The following CHST1 variants were observed in gnomAD, a reference collection of about 807,000 sequenced individuals.
CHST1 encodes the protein Keratan sulfotransferase.
A neutral mutation model predicts 22.5 loss-of-function variants in CHST1; 10 were observed. The ratio of observed to expected loss-of-function variants is 0.44; its 90% CI spans 0.27 to 0.75. The LOEUF (loss-of-function observed/expected upper bound fraction) is 0.75, where lower values mean the gene tolerates loss of function less well. CHST1 is among the 30% of genes least tolerant of loss of function. The pLI is 0.15. For synonymous variants in CHST1, 267 were observed against 264.5 expected (o/e 1.01, Z -0.09); for missense variants, 439 against 576.1 (o/e 0.76, Z 2.44).
At chr11:45,657,674 AG>A (rs1398522530) in intron 1 of CHST1, among the ~76,000 whole-genome samples, 6 of 152,316 alleles carry the variant, frequency 3.9e-5, no homozygotes, top group Non-Finnish European at 7.4e-5. Flanking sequence ...CAATCCAACC[AG>A]TGCAACCTTC....
chr11:45,653,489 G>T (rs1852024832), intron 1 of CHST1, among the ~76,000 whole-genome samples: 1 of 151,808 alleles, frequency 6.6e-6, no homozygotes, highest in African/African-American at 2.4e-5. Context: ...CATGGGGCTG[G>T]GCCAGGTATC....
intron 1 of CHST1, among the ~76,000 whole-genome samples, chr11:45,658,819 C>T (rs1030808246): frequency 1.3e-5 from 2 of 152,286 alleles, no homozygotes; most frequent in Non-Finnish European, 2.9e-5. Context: ...GAAGCCACAG[C>T]CAGAGTTGGA....
Position 45,649,680 on chromosome 11 carries a change from C to A in CHST1, c.*8G>T, listed in dbSNP as rs1191743023. The A allele has an allele frequency of 6.5e-7, 1 of 1,544,786 alleles. No individual in the cohort carries two copies. Among genetic ancestry groups the A allele is most frequent in the South Asian group, 1.2e-5 (1 of 81,768 alleles). On this transcript the variant is annotated 3_prime_UTR_variant, in exon 4 of 4. Transcript: ENST00000308064. ...TTGCGCCTCCCGCCCCCACCCGCAC[C>A]GCCCGGGTCACGAGAAGGGGCGGAA... is the stretch of plus-strand genomic sequence containing the variant.
chr11:45,660,783 C>G (rs1054485796), intron 1 of CHST1, among the ~76,000 whole-genome samples: 1 of 152,190 alleles, frequency 6.6e-6, no homozygotes, highest in African/African-American at 2.4e-5. Flanking sequence ...CAGCTTGGGG[C>G]CCCCCACACA....
At position 45,650,765 on chromosome 11, in the gene CHST1, G is replaced by A. The variant is rs751285636; in HGVS notation, c.159C>T (p.Phe53=). Residue 53 remains phenylalanine, a synonymous_variant, in exon 4 of 4, where the codon TTC becomes TTT. Coordinates refer to ENST00000308064, the MANE Select transcript of CHST1 (RefSeq NM_003654.6). ...GGGTCTTGCGGGAGAGGTTGTAGGC[G>A]AAGGTGGGGCTCTCCTCGCACAGTC... ...AERLCEESPT[F]AYNLSRKTHI... is the part of the protein sequence containing the mutation. 18 of 1,614,116 alleles carry A rather than the reference G, an allele frequency of 1.1e-5. No individual in the cohort carries two copies. The highest frequency in any genetic ancestry group is 1.5e-5 in the Non-Finnish European group (18 of 1,180,004).
intron 1 of CHST1, among the ~76,000 whole-genome samples, chr11:45,656,294 A>T (rs986017739): frequency 6.6e-6 from 1 of 152,194 alleles, no homozygotes; most frequent in Non-Finnish European, 1.5e-5. Flanking sequence ...CTTCATTATT[A>T]ACATGTCCAG....
At chr11:45,655,289 T>C (rs1443392805) in intron 1 of CHST1, among the ~76,000 whole-genome samples, 1 of 152,254 alleles carries the variant, frequency 6.6e-6, no homozygotes, top group African/African-American at 2.4e-5. Flanking sequence ...TCTGGTTTGC[T>C]TTTTGTCTCA....
rs138492117 is a variant in CHST1, at chr11:45,659,779, T to C, written c.-227+5399A>G. 2.8e-4 allele frequency among the ~76,000 whole-genome samples: 42 copies of C among 152,258 alleles called. No individual in the cohort carries two copies. The East Asian group carries it at 5.6e-3, about 20-fold the overall frequency. ...ACCAGGGAGCCCAGGAATGCCCAAA[T>C]CCTATGCCACCAAAAAGACACCAAC... On this transcript the variant is annotated intron_variant, in intron 1 of 3. Coordinates refer to ENST00000308064, the MANE Select transcript of CHST1 (RefSeq NM_003654.6).
Position 45,649,710 on chromosome 11 carries a change from C to G in CHST1, c.1214G>C (p.Arg405Pro). Residue 405 changes from arginine to proline, a missense_variant, in exon 4 of 4, where the codon CGG (arginine) becomes CCG (proline). Physicochemically the swap from Arg to Pro is moderately radical, Grantham distance 103. Coordinates refer to ENST00000308064, the MANE Select transcript of CHST1 (RefSeq NM_003654.6). ...GGGTCACGAGAAGGGGCGGAAGTCC[C>G]GCTCCTCCACCAGGCTGACCGAGGG... Reference protein sequence around the residue: ...KNPSVSLVEERDFRPFS With the variant: ...KNPSVSLVEEPDFRPFS 1 of 1,585,604 alleles carries G rather than the reference C, an allele frequency of 6.3e-7. No individual in the cohort carries two copies. Among genetic ancestry groups the G allele is most frequent in the South Asian group, 1.1e-5 (1 of 88,526 alleles).
intron 1 of CHST1, among the ~76,000 whole-genome samples, chr11:45,661,234 C>CG (rs1436928953): frequency 6.6e-6 from 1 of 152,170 alleles, no homozygotes; most frequent in Non-Finnish European, 1.5e-5. Flanking sequence ...CCAAGGGCCC[C>CG]GGGTGGAGAA....
In CHST1 at chr11:45,648,705, C is replaced by T. The variant is rs1818948706; in HGVS notation, c.*983G>A. Among the ~76,000 whole-genome samples, 1 of 151,932 alleles carries T rather than the reference C, an allele frequency of 6.6e-6. No homozygotes were observed. Among genetic ancestry groups the T allele is most frequent in the East Asian group, 1.9e-4 (1 of 5,176 alleles). On this transcript the variant is annotated 3_prime_UTR_variant, in exon 4 of 4. Coordinates refer to ENST00000308064, the MANE Select transcript of CHST1 (RefSeq NM_003654.6). The stretch of plus-strand genomic sequence containing the variant: ...GACTCTGTCTCAAAACAAAACAAAA[C>T]AAAAACCTAAACTAAACTCAGTGTT...
At chr11:45,662,197 C>G (rs1306515889) in intron 1 of CHST1, among the ~76,000 whole-genome samples, 1 of 152,204 alleles carries the variant, frequency 6.6e-6, no homozygotes, top group African/African-American at 2.4e-5. Flanking sequence ...CCACCCCAAC[C>G]CCTTTACTCT....
intron 1 of CHST1, among the ~76,000 whole-genome samples, chr11:45,658,698 C>T (rs967817758): frequency 7.9e-5 from 12 of 152,110 alleles, no homozygotes; most frequent in Admixed American, 3.9e-4. Flanking sequence ...CAGAAGGTCC[C>T]GGTTCCCTGT....
intron 1 of CHST1, among the ~76,000 whole-genome samples, chr11:45,664,770 T>G (rs939346815): frequency 6.6e-6 from 1 of 151,938 alleles, no homozygotes; most frequent in African/African-American, 2.4e-5. Context: ...TGCAGCTGGG[T>G]TTGGAAAGTT....
intron 1 of CHST1, among the ~76,000 whole-genome samples, chr11:45,660,522 T>C (rs1228182760): frequency 6.6e-6 from 1 of 152,166 alleles, no homozygotes; most frequent in African/African-American, 2.4e-5. Context: ...ACTTTCTGAT[T>C]CTCAGGTACT....
chr11:45,665,264 G>C lies in CHST1; in HGVS notation c.-313C>G, dbSNP rs1852185102. On this transcript the variant is annotated 5_prime_UTR_variant, in exon 1 of 4. Transcript: ENST00000308064. The surrounding 1 kb of genome is among the most constrained non-coding windows in gnomAD (Gnocchi z 4.0). Reference sequence around the variant, plus strand: ...GAGTCAGGGTCGCCGGGGACCCGCGGGTGGCGGCGGCGGCAGCAGCCGCGG... The same window carrying C: ...GAGTCAGGGTCGCCGGGGACCCGCGCGTGGCGGCGGCGGCAGCAGCCGCGG... 6.6e-6 allele frequency: 1 copy of C among 151,994 alleles called. No individual in the cohort carries two copies. Among genetic ancestry groups the C allele is most frequent in the Non-Finnish European group, 1.5e-5 (1 of 68,050 alleles). The allele number at this position is 151,994 out of a possible 1,614,324, so 9.4% of individuals were successfully genotyped here.
In CHST1 at chr11:45,649,533, C is replaced by CA. The variant is rs1239704359; in HGVS notation, c.*154dup. On this transcript the variant is annotated 3_prime_UTR_variant, in exon 4 of 4. Coordinates refer to ENST00000308064, the MANE Select transcript of CHST1 (RefSeq NM_003654.6). ...CAAGACGTAGTGCAAATTTCAGAGA[C>CA]AAAAAAGGGGCAGAAGGGAGTGGGG... 5 of 819,682 alleles carry CA rather than the reference C, an allele frequency of 6.1e-6. No homozygotes were observed. In the Admixed American group the frequency reaches 8.1e-5, roughly 13 times the overall value. The allele number at this position is 819,682 out of a possible 1,614,324, so 50.8% of individuals were successfully genotyped here.
At chr11:45,659,683 A>G (rs1355520476) in intron 1 of CHST1, among the ~76,000 whole-genome samples, 2 of 152,162 alleles carry the variant, frequency 1.3e-5, no homozygotes, top group African/African-American at 2.4e-5. Flanking sequence ...AAGTCCAAAC[A>G]CACTGTGCTC....
intron 1 of CHST1, among the ~76,000 whole-genome samples, chr11:45,653,617 T>C (rs1433826590): frequency 1.3e-5 from 2 of 151,830 alleles, no homozygotes; most frequent in Non-Finnish European, 2.9e-5. Flanking sequence ...ATGTCATCAA[T>C]AATAGTGCCA....
Sources: allele counts gnomAD v4.1 joint callset (sites outside exome capture counted in the v4.1 genomes callset), GRCh38; gene constraint gnomAD v4.1.1; non-coding constraint Gnocchi (gnomAD v3.1); transcripts MANE v1.5; gene names NCBI Gene and HGNC (gene_info 2026-07-23, HGNC 2026-07-21).